XRCC6: variants seen among roughly 807,000 people sequenced by gnomAD.
XRCC6 encodes X-ray repair cross complementing 6, also known as DNA repair protein Ku70.
XRCC6 carries 5 observed loss-of-function variants against 65.7 expected under a neutral mutation model. The observed-to-expected ratio is 0.08, with a 90% CI of 0.04 to 0.16. The LOEUF (loss-of-function observed/expected upper bound fraction) is 0.16, where lower values mean the gene tolerates loss of function less well. XRCC6 is among the 10% of genes least tolerant of loss of function. The pLI, the probability that XRCC6 is intolerant of heterozygous loss-of-function variation, is 1.00. For synonymous variants in XRCC6, 270 were observed against 270.6 expected (o/e 1.00, Z 0.02); for missense variants, 447 against 738.1 (o/e 0.61, Z 4.57).
At chr22:41,652,957 C>A (rs1284114731) in intron 8 of XRCC6, among the ~76,000 whole-genome samples, 4 of 151,816 alleles carry the variant, frequency 2.6e-5, no homozygotes, top group Non-Finnish European at 5.9e-5. Context: ...CAGGCGTGAG[C>A]CACCATGCCC....
chr22:41,656,448 C>T (rs1467049087), intron 9 of XRCC6, among the ~76,000 whole-genome samples: 2 of 149,400 alleles, frequency 1.3e-5, no homozygotes, highest in South Asian at 2.1e-4. Flanking sequence ...ACCTGGGAGG[C>T]GGAGGTTGCA....
intron 2 of XRCC6, among the ~76,000 whole-genome samples, chr22:41,625,871 ATC>A (rs975168155): frequency 6.6e-5 from 10 of 152,154 alleles, no homozygotes; most frequent in Non-Finnish European, 1.3e-4. Context: ...TTGAGATGGA[ATC>A]TCTGTCGCCA....
intron 2 of XRCC6, among the ~76,000 whole-genome samples, chr22:41,625,880 G>A (rs977516417): frequency 3.3e-5 from 5 of 152,086 alleles, no homozygotes; most frequent in Non-Finnish European, 5.9e-5. Context: ...AATCTCTGTC[G>A]CCAGGCTGGA....
At chr22:41,645,161 T>C (rs1033151265) in intron 6 of XRCC6, among the ~76,000 whole-genome samples, 8 of 151,366 alleles carry the variant, frequency 5.3e-5, no homozygotes, top group Admixed American at 1.3e-4. Flanking sequence ...ATTAGCCTGG[T>C]GTGGTGGTGG....
chr22:41,636,434 T>G, intron 4 of XRCC6, 82 bp from the exon 5 acceptor site: 2 of 1,553,700 alleles, frequency 1.3e-6, no homozygotes, highest in African/African-American at 1.4e-5. Flanking sequence ...TGAAAAAGGG[T>G]CCTTCTGTTA....
intron 8 of XRCC6, among the ~76,000 whole-genome samples, chr22:41,651,358 CAG>C (rs1212363197): frequency 1.2e-3 from 121 of 98,116 alleles, no homozygotes; most frequent in Non-Finnish European, 2.1e-3. Context: ...GAAAGTTAAA[CAG>C]ATTTTTTTTT....
At chr22:41,626,915 C>T (rs2067682882) in intron 2 of XRCC6, among the ~76,000 whole-genome samples, 1 of 152,072 alleles carries the variant, frequency 6.6e-6, no homozygotes, top group South Asian at 2.1e-4. Context: ...GCTGGGATTA[C>T]AGGTGTGAGC....
At chr22:41,637,535 T>C (rs1214704331) in intron 5 of XRCC6, 73 bp from the exon 6 acceptor site, 1 of 1,354,522 alleles carries the variant, frequency 7.4e-7, no homozygotes, top group African/African-American at 1.5e-5. Flanking sequence ...CATGTTTCAG[T>C]TTTAACTGAA....
intron 6 of XRCC6, among the ~76,000 whole-genome samples, chr22:41,638,959 C>T (rs566636036): frequency 6.6e-6 from 1 of 152,218 alleles, no homozygotes; most frequent in East Asian, 1.9e-4. Context: ...GGTTTGTTTA[C>T]ACAGCATCAC....
Position 41,650,872 on chromosome 22 carries a change from A to G in XRCC6, c.1110A>G (p.Pro370=), listed in dbSNP as rs1458106608. The change falls in exon 8 of 13, where the codon CCA becomes CCG. Residue 370 remains proline (P), a synonymous_variant. Coordinates refer to ENST00000360079, the MANE Select transcript of XRCC6 (RefSeq NM_001469.5). ...HYLRPSLFVY[P]EESLVIGSST... ...TGAGGCCCTCCCTGTTCGTGTACCC[A>G]GAGGAGTCGCTGGTGATTGGTAAGT... The G allele has an allele frequency of 6.2e-7, 1 of 1,614,188 alleles. No homozygotes were observed. The highest frequency in any genetic ancestry group is 2.2e-5 in the East Asian group (1 of 44,884).
At chr22:41,640,774 C>T (rs749673623) in intron 6 of XRCC6, among the ~76,000 whole-genome samples, 11 of 152,038 alleles carry the variant, frequency 7.2e-5, no homozygotes, top group African/African-American at 2.2e-4. Context: ...TGAAATGATG[C>T]GATGTTGTTT....
At chr22:41,625,312 A>T (rs900955626) in intron 2 of XRCC6, among the ~76,000 whole-genome samples, 10 of 152,168 alleles carry the variant, frequency 6.6e-5, no homozygotes, top group Admixed American at 4.6e-4. Flanking sequence ...GTTCTCCAGG[A>T]GACAGCTAAT....
chr22:41,656,776 C>G lies in XRCC6; in HGVS notation c.1292-127C>G, dbSNP rs2068048550. ...ATAACAAAAACCAGCTGGTGGAGTT[C>G]AAGAAATGGGGCCTACGGGGCCCCA... On this transcript the variant is annotated intron_variant, in intron 9 of 12. Coordinates refer to ENST00000360079, the MANE Select transcript of XRCC6 (RefSeq NM_001469.5). The G allele has an allele frequency of 8.1e-6, 10 of 1,241,478 alleles. No individual in the cohort carries two copies. The South Asian group carries it at 1.5e-4, about 18-fold the overall frequency. The allele number at this position is 1,241,478 out of a possible 1,614,324, so 76.9% of individuals were successfully genotyped here.
intron 2 of XRCC6, among the ~76,000 whole-genome samples, chr22:41,627,828 C>T (rs555948830): frequency 2.2e-4 from 33 of 151,920 alleles, no homozygotes; most frequent in African/African-American, 7.2e-4. Flanking sequence ...GAGCTATCAT[C>T]GCGTCACTGC....
At chr22:41,634,380 A>G (rs570306046) in intron 3 of XRCC6, among the ~76,000 whole-genome samples, 2 of 151,834 alleles carry the variant, frequency 1.3e-5, no homozygotes, top group South Asian at 4.2e-4. Context: ...TTGTAGAGAC[A>G]TTGTTTTGCC....
intron 8 of XRCC6, among the ~76,000 whole-genome samples, chr22:41,652,563 G>A (rs1280755771): frequency 1.3e-5 from 2 of 151,998 alleles, no homozygotes; most frequent in Non-Finnish European, 2.9e-5. Flanking sequence ...ACAGGGTTTT[G>A]CTATGTTGGG....
chr22:41,626,184 G>A (rs1428604591), intron 2 of XRCC6, among the ~76,000 whole-genome samples: 2 of 149,676 alleles, frequency 1.3e-5, no homozygotes, highest in African/African-American at 2.5e-5. Flanking sequence ...GCTCTGTCAC[G>A]CAGGCTGGAG....
chr22:41,636,334 C>A lies in XRCC6; in HGVS notation c.334+83C>A, dbSNP rs2067809600. On this transcript the variant is annotated intron_variant, in intron 4 of 12. Coordinates refer to ENST00000360079, the MANE Select transcript of XRCC6 (RefSeq NM_001469.5). Reference sequence around the variant, plus strand: ...TCAAAGAGGACTGTGGAGAAGGAAGCAAGTTACATCTTGTCTAGGAGTATG... The same window carrying A: ...TCAAAGAGGACTGTGGAGAAGGAAGAAAGTTACATCTTGTCTAGGAGTATG... 3 of 1,509,724 alleles carry A rather than the reference C, an allele frequency of 2.0e-6. No individual in the cohort carries two copies. The Admixed American group carries it at 6.9e-5, about 35-fold the overall frequency. 93.5% of individuals were successfully genotyped at this position (1,509,724 alleles called of 1,614,324 possible).
chr22:41,640,492 C>T (rs28384740), intron 6 of XRCC6, among the ~76,000 whole-genome samples: 10,751 of 152,148 alleles, frequency 0.071, 922 homozygotes, highest in African/African-American at 0.2. Flanking sequence ...GGTATGTTAA[C>T]CAGGCTGGTC....
Sources: gnomAD v4.1 joint callset for allele counts (sites outside exome capture counted in the v4.1 genomes callset) on GRCh38, gnomAD v4.1.1 for gene constraint, MANE v1.5 for transcripts, NCBI Gene and HGNC (gene_info 2026-07-23, HGNC 2026-07-21) for gene names.